ARNT: variants seen among roughly 807,000 people sequenced by gnomAD.
ARNT encodes class E basic helix-loop-helix protein 2.
In ARNT, 30 loss-of-function variants were observed where a neutral mutation model predicts 105.0. That is an observed-to-expected ratio of 0.29 (90% CI 0.21 to 0.39). The LOEUF (loss-of-function observed/expected upper bound fraction) is 0.39. Among genes scored for constraint, ARNT ranks in the 10% least tolerant of loss-of-function variants. ARNT has a pLI of 1.00. For synonymous variants in ARNT, 304 were observed against 344.0 expected (o/e 0.88, Z 1.29); for missense variants, 748 against 978.7 (o/e 0.76, Z 3.15).
Position 150,811,301 on chromosome 1 carries a change from A to C in ARNT, c.*720T>G, listed in dbSNP as rs1189371356. The C allele has an allele frequency of 4.3e-6, 1 of 233,688 alleles. No individual in the cohort carries two copies. The highest frequency in any genetic ancestry group is 8.5e-6 in the Non-Finnish European group (1 of 118,020). 14.5% of individuals were successfully genotyped at this position (233,688 alleles called of 1,614,324 possible). On this transcript the variant is annotated 3_prime_UTR_variant, in exon 22 of 22. Coordinates refer to ENST00000358595, the MANE Select transcript of ARNT (RefSeq NM_001668.4). The stretch of plus-strand genomic sequence containing the variant: ...CAAGCGCAGCAAAGACGTTTATTTA[A>C]ATATTCTTTGGCTGCAATACTAAGT...
chr1:150,839,724 A>G, intron 5 of ARNT, 70 bp from the exon 6 acceptor site: 1 of 1,436,826 alleles, frequency 7.0e-7, no homozygotes, highest in Non-Finnish European at 9.6e-7. Flanking sequence ...GGAGAGTGAT[A>G]TGGATACCAA....
At chr1:150,830,023 C>T in intron 10 of ARNT, 43 bp from the exon 11 acceptor site, 1 of 1,599,062 alleles carries the variant, frequency 6.3e-7, no homozygotes. Flanking sequence ...GGACCTCCAA[C>T]TCAAATGCCT....
chr1:150,819,489 G>C (rs1656624279), intron 14 of ARNT, among the ~76,000 whole-genome samples: 1 of 152,074 alleles, frequency 6.6e-6, no homozygotes, highest in African/African-American at 2.4e-5. Context: ...AAGCATTTTT[G>C]ATAACCAAGA....
chr1:150,815,042 G>C (rs1225545344), intron 19 of ARNT, among the ~76,000 whole-genome samples: 1 of 151,948 alleles, frequency 6.6e-6, no homozygotes, highest in African/African-American at 2.4e-5. Context: ...ATAATTCCAT[G>C]GTTAACATGT....
intron 14 of ARNT, among the ~76,000 whole-genome samples, chr1:150,819,641 C>T (rs1240329953): frequency 6.6e-6 from 1 of 152,150 alleles, no homozygotes; most frequent in Non-Finnish European, 1.5e-5. Flanking sequence ...CCTCTGTAAA[C>T]ATTATACTAA....
chr1:150,876,400 C>A, intron 1 of ARNT, 143 bp downstream of exon 1: 2 of 1,414,370 alleles, frequency 1.4e-6, no homozygotes, highest in Middle Eastern at 2.6e-4. Context: ...CCCCAGGTCA[C>A]CGCTCCCCCA....
intron 2 of ARNT, among the ~76,000 whole-genome samples, chr1:150,854,672 C>T (rs1057273093): frequency 6.6e-6 from 1 of 151,952 alleles, no homozygotes; most frequent in Admixed American, 6.6e-5. Context: ...GCCCAGTCAA[C>T]ATGGTGAAAC....
chr1:150,823,707 C>T (rs1307353061), intron 13 of ARNT, among the ~76,000 whole-genome samples: 3 of 152,102 alleles, frequency 2.0e-5, no homozygotes, highest in African/African-American at 2.4e-5. Flanking sequence ...CGTGCCACCA[C>T]GCCCAGCTAA....
rs1662218041 is a variant in ARNT, at chr1:150,846,378, T to C, written c.183-71A>G. 5.5e-6 allele frequency: 8 copies of C among 1,456,294 alleles called. No homozygotes were observed. The Admixed American group carries it at 1.5e-4, about 28-fold the overall frequency. 90.2% of individuals were successfully genotyped at this position (1,456,294 alleles called of 1,614,324 possible). Reference sequence around the variant, plus strand: ...ATCTATTTCACTCTGAAAAGTAAACTAGAAAGGGGTGAAAATATTCAATAG... The same window carrying C: ...ATCTATTTCACTCTGAAAAGTAAACCAGAAAGGGGTGAAAATATTCAATAG... On this transcript the variant is annotated intron_variant, in intron 3 of 21. Transcript: ENST00000358595.
intron 17 of ARNT, 52 bp from the exon 18 acceptor site, chr1:150,816,942 T>C: frequency 6.2e-7 from 1 of 1,601,668 alleles, no homozygotes; most frequent in Non-Finnish European, 8.5e-7. Context: ...TGTAGTATAT[T>C]AGTTCAGCAA....
chr1:150,831,137 A>G (rs1474349416), intron 10 of ARNT, among the ~76,000 whole-genome samples: 4 of 152,184 alleles, frequency 2.6e-5, no homozygotes, highest in Non-Finnish European at 5.9e-5. Flanking sequence ...AATGACAGGA[A>G]TCACATCCAG....
rs1048411934 is a variant in ARNT, at chr1:150,853,030, C to A, written c.138-224G>T. The A allele has an allele frequency of 1.3e-5, 7 of 549,340 alleles. No individual in the cohort carries two copies. The African/African-American group carries it at 1.3e-4, about 11-fold the overall frequency. The allele number at this position is 549,340 out of a possible 1,614,324, so 34.0% of individuals were successfully genotyped here. ...GAGTGGTGGCTCACGCCTGTAATCC[C>A]AGCACTTTGGAAGGCTGAGGTGGGT... is the stretch of plus-strand genomic sequence containing the variant. On this transcript the variant is annotated intron_variant, in intron 2 of 21. Transcript: ENST00000358595.
At chr1:150,855,583 A>T (rs1438984063) in intron 2 of ARNT, among the ~76,000 whole-genome samples, 1 of 151,866 alleles carries the variant, frequency 6.6e-6, no homozygotes, top group African/African-American at 2.4e-5. Flanking sequence ...AATAAAAATT[A>T]TGTTTATATA....
At chr1:150,863,471 T>C (rs890868390) in intron 1 of ARNT, among the ~76,000 whole-genome samples, 1 of 151,122 alleles carries the variant, frequency 6.6e-6, no homozygotes. Flanking sequence ...CTAAAGGAAA[T>C]AAAGAAGGCA....
At chr1:150,869,834 T>G (rs1667177119) in intron 1 of ARNT, among the ~76,000 whole-genome samples, 1 of 151,968 alleles carries the variant, frequency 6.6e-6, no homozygotes, top group South Asian at 2.1e-4. Context: ...ATTACAGGTA[T>G]GAGCCACCAC....
chr1:150,812,941 CCT>C (rs1237580743), intron 21 of ARNT, among the ~76,000 whole-genome samples: 1 of 152,136 alleles, frequency 6.6e-6, no homozygotes, highest in African/African-American at 2.4e-5. Context: ...CAAGTGATCC[CCT>C]GCTTCAGCCT....
At position 150,839,650 on chromosome 1, in the gene ARNT, T is replaced by A; in HGVS notation, c.277A>T (p.Asn93Tyr). ...SADKERLARENHSEIERRRRN... is the reference protein window; with the variant it reads ...SADKERLAREYHSEIERRRRN... ...CGCCGCCGTTCAATTTCACTGTGATTTTCCCTGCATGGAAAGAAAGAGAAG... is the reference window on the plus strand; with the variant it reads ...CGCCGCCGTTCAATTTCACTGTGATATTCCCTGCATGGAAAGAAAGAGAAG... The change falls in exon 6 of 22, where the codon AAT (asparagine) becomes TAT (tyrosine). Residue 93 changes from asparagine to tyrosine, a missense_variant. Coordinates refer to ENST00000358595, the MANE Select transcript of ARNT (RefSeq NM_001668.4). 6 of 1,613,000 alleles carry A rather than the reference T, an allele frequency of 3.7e-6. No individual in the cohort carries two copies. The highest frequency in any genetic ancestry group is 5.1e-6 in the Non-Finnish European group (6 of 1,179,520).
Position 150,817,137 on chromosome 1 carries a change from T to A in ARNT, c.1644A>T (p.Leu548Phe). The change falls in exon 17 of 22, where the codon TTA becomes TTT. Residue 548 changes from leucine (L) to phenylalanine (F), a missense_variant. By Grantham distance (22) the Leu-to-Phe change is conservative (BLOSUM62 0). Coordinates refer to ENST00000358595, the MANE Select transcript of ARNT (RefSeq NM_001668.4). ...HSKPLEKSDG[L>F]FAQDRDPRFS... is the part of the protein sequence containing the mutation. ...ATCTTGGATCTCTATCCTGGGCAAA[T>A]AAACCATCTGACTTCTCAAGGGGCT... 1.2e-6 allele frequency: 2 copies of A among 1,614,186 alleles called. No individual in the cohort carries two copies. Among genetic ancestry groups the A allele is most frequent in the Non-Finnish European group, 1.7e-6 (2 of 1,180,034 alleles).
At chr1:150,852,913 A>C in intron 2 of ARNT, 107 bp from the exon 3 acceptor site, 1 of 1,361,546 alleles carries the variant, frequency 7.3e-7, no homozygotes, top group South Asian at 1.2e-5. Flanking sequence ...AAATGGAAGA[A>C]TGGAAAGAGG....
Sources: gnomAD v4.1 joint callset for allele counts (sites outside exome capture counted in the v4.1 genomes callset) on GRCh38, gnomAD v4.1.1 for gene constraint, MANE v1.5 for transcripts, NCBI Gene and HGNC (gene_info 2026-07-23, HGNC 2026-07-21) for gene names.